Variants in PTK2 observed in about 807,000 individuals in gnomAD.
PTK2 encodes the protein protein tyrosine kinase 2.
In PTK2, 45 loss-of-function variants were observed where a neutral mutation model predicts 150.1. The ratio of observed to expected loss-of-function variants is 0.30; its 90% CI spans 0.24 to 0.38. The LOEUF (loss-of-function observed/expected upper bound fraction) is 0.38. PTK2 is among the 10% of genes least tolerant of loss of function. The probability of loss-of-function intolerance (pLI) is 1.00; values close to 1 mark genes in which losing one functional copy is unlikely to be tolerated. For missense variants in PTK2, 919 were observed against 1,307.3 expected (o/e 0.70, Z 4.58); for synonymous variants, 432 against 449.2 (o/e 0.96, Z 0.48).
chr8:140,840,886 G>A (rs1002120701), intron 7 of PTK2, among the ~76,000 whole-genome samples: 1 of 152,066 alleles, frequency 6.6e-6, no homozygotes, highest in Non-Finnish European at 1.5e-5. Context: ...AGGACACAGA[G>A]AAGTTGAAAG....
At chr8:140,862,583 G>A (rs1347963161) in intron 5 of PTK2, among the ~76,000 whole-genome samples, 1 of 152,006 alleles carries the variant, frequency 6.6e-6, no homozygotes, top group African/African-American at 2.4e-5. Context: ...CCAAACCCTG[G>A]GCCATGGATC....
At chr8:140,721,664 C>T (rs574786830) in intron 22 of PTK2, 1 of 152,210 alleles carries the variant, frequency 6.6e-6, no homozygotes, top group Admixed American at 6.5e-5. Flanking sequence ...CTCACCTATA[C>T]ACCTTCTTCC....
chr8:140,842,513 T>C (rs547835366), intron 7 of PTK2, among the ~76,000 whole-genome samples: 4 of 152,050 alleles, frequency 2.6e-5, no homozygotes, highest in South Asian at 2.1e-4. Flanking sequence ...ATCTCATATA[T>C]AGGTAGGTAT....
chr8:140,689,657 C>T (rs1051817054), intron 26 of PTK2, among the ~76,000 whole-genome samples: 5 of 152,180 alleles, frequency 3.3e-5, no homozygotes, highest in Admixed American at 2.6e-4. Flanking sequence ...AGCAGGATAT[C>T]TGGTATTTAC....
chr8:140,978,656 G>T (rs1479742976), intron 1 of PTK2, among the ~76,000 whole-genome samples: 1 of 151,738 alleles, frequency 6.6e-6, no homozygotes, highest in Non-Finnish European at 1.5e-5. Flanking sequence ...CTTTTACACT[G>T]TTGGTGGGAC....
intron 1 of PTK2, among the ~76,000 whole-genome samples, chr8:140,950,683 G>C (rs1034887522): frequency 5.3e-5 from 8 of 152,218 alleles, no homozygotes; most frequent in African/African-American, 1.4e-4. Context: ...TTTCTGGCTG[G>C]TGAAGCGGCA....
At chr8:140,679,924 G>A (rs913101433) in intron 27 of PTK2, among the ~76,000 whole-genome samples, 3 of 152,064 alleles carry the variant, frequency 2.0e-5, no homozygotes, top group Admixed American at 6.5e-5. Flanking sequence ...AGCACAAAAG[G>A]GAAAAAAATC....
intron 22 of PTK2, among the ~76,000 whole-genome samples, chr8:140,725,679 T>C (rs1044942528): frequency 1.3e-5 from 2 of 152,204 alleles, no homozygotes; most frequent in African/African-American, 2.4e-5. Context: ...TGCACACATC[T>C]CTGCTGATCC....
At chr8:140,684,403 T>C (rs1008949298) in intron 27 of PTK2, among the ~76,000 whole-genome samples, 11 of 152,268 alleles carry the variant, frequency 7.2e-5, no homozygotes, top group Admixed American at 4.6e-4. Flanking sequence ...TAATGCGGGC[T>C]AGCCCGCCAT....
In PTK2 at chr8:140,800,605, C is replaced by T. The variant is rs1345273035; in HGVS notation, c.976-29G>A. On this transcript the variant is annotated intron_variant, in intron 11 of 31. Coordinates refer to ENST00000522684, the Ensembl canonical transcript of PTK2. Reference sequence around the variant, plus strand: ...ACGGAGAAAAGATCAAGAAAACAGACTTCATTGTTCTTCCCAGTAAGCAAA... The same window carrying T: ...ACGGAGAAAAGATCAAGAAAACAGATTTCATTGTTCTTCCCAGTAAGCAAA... The T allele has an allele frequency of 5.8e-6, 9 of 1,538,550 alleles. No homozygotes were observed. In the Admixed American group the frequency reaches 1.2e-4, roughly 20 times the overall value.
intron 14 of PTK2, among the ~76,000 whole-genome samples, chr8:140,788,471 G>A (rs1410634228): frequency 6.6e-6 from 1 of 152,104 alleles, no homozygotes; most frequent in African/African-American, 2.4e-5. Flanking sequence ...ATCATCTGAG[G>A]TCAGGAGTTT....
intron 7 of PTK2, among the ~76,000 whole-genome samples, chr8:140,835,326 C>A (rs1039714755): frequency 1.3e-5 from 2 of 152,150 alleles, no homozygotes; most frequent in Non-Finnish European, 2.9e-5. Context: ...TGTCTGTTGA[C>A]CCTGTTTAAT....
intron 14 of PTK2, among the ~76,000 whole-genome samples, chr8:140,776,160 C>A (rs1010172581): frequency 1.3e-5 from 2 of 152,228 alleles, no homozygotes; most frequent in Admixed American, 1.3e-4. Flanking sequence ...TCCGCCACCA[C>A]ACCTGGTTAA....
At chr8:140,845,930 C>T (rs556895948) in intron 7 of PTK2, among the ~76,000 whole-genome samples, 2 of 152,178 alleles carry the variant, frequency 1.3e-5, no homozygotes, top group East Asian at 1.9e-4. Context: ...TCTGTAGTAA[C>T]TTATACAGAG....
chr8:140,966,198 C>G (rs1333809473), intron 1 of PTK2, among the ~76,000 whole-genome samples: 1 of 152,140 alleles, frequency 6.6e-6, no homozygotes, highest in Admixed American at 6.5e-5. Flanking sequence ...ATTGTATACC[C>G]AACAGTATGC....
chr8:140,666,440 GA>G (rs367592915), intron 30 of PTK2, among the ~76,000 whole-genome samples: 4 of 145,242 alleles, frequency 2.8e-5, no homozygotes, highest in South Asian at 2.2e-4. Flanking sequence ...GGCCAAAAAA[GA>G]AAAAAAAAAC....
intron 1 of PTK2, among the ~76,000 whole-genome samples, chr8:140,988,409 A>G (rs1452725652): frequency 2.0e-5 from 3 of 152,240 alleles, no homozygotes; most frequent in African/African-American, 2.4e-5. Flanking sequence ...TTGTGGAATC[A>G]AAGAATCTAA....
intron 26 of PTK2, among the ~76,000 whole-genome samples, chr8:140,696,504 T>C (rs537534862): frequency 6.6e-6 from 1 of 152,294 alleles, no homozygotes; most frequent in South Asian, 2.1e-4. Flanking sequence ...TAAGAACTCC[T>C]ACTATTCATA....
chr8:140,757,009 G>A (rs896300735), intron 16 of PTK2, among the ~76,000 whole-genome samples: 1 of 151,408 alleles, frequency 6.6e-6, no homozygotes, highest in Non-Finnish European at 1.5e-5. Flanking sequence ...AAAGAAAAAA[G>A]TAAATTTAGA....
Sources: allele counts gnomAD v4.1 joint callset (sites outside exome capture counted in the v4.1 genomes callset), GRCh38; gene constraint gnomAD v4.1.1; transcripts MANE v1.5; gene names NCBI Gene and HGNC (gene_info 2026-07-23, HGNC 2026-07-21).